REPS2: variants seen among roughly 807,000 people sequenced by gnomAD.
REPS2 encodes RALBP1 associated Eps domain containing 2.
In REPS2, 23 loss-of-function variants were observed where a neutral mutation model predicts 53.6. That is an observed-to-expected ratio of 0.43 (90% confidence interval 0.31 to 0.61). REPS2 has a LOEUF of 0.61. REPS2 is among the 20% of genes least tolerant of loss of function. The pLI is 0.11. For synonymous variants in REPS2, 238 were observed against 218.6 expected, an observed-to-expected ratio of 1.09 and a Z score of -0.78; for missense variants, 446 against 534.9, an observed-to-expected ratio of 0.83 and a Z score of 1.64.
intron 14 of REPS2, among the ~76,000 whole-genome samples, chrX:17,112,540 A>G (rs1467421324): frequency 8.9e-6 from 1 of 112,230 alleles, no homozygotes; most frequent in African/African-American, 3.2e-5. Flanking sequence ...TCTGATGTCA[A>G]TGGAATGAAA....
At position 16,997,064 on chromosome X, in the gene REPS2, A is replaced by T. The variant is rs2061242440; in HGVS notation, c.274-9157A>T. On this transcript the variant is annotated intron_variant, in intron 1 of 17. Transcript: ENST00000357277. ...GCTGGTGAGATAAGTCTGAGTTGCC[A>T]GAACCAGTTAAAGCTTTATATAATT... Among the ~76,000 whole-genome samples the T allele has an allele frequency of 2.7e-5, 3 of 112,535 alleles. No homozygotes were observed. The Admixed American group carries it at 2.8e-4, about 11-fold the overall frequency.
At position 16,951,559 on chromosome X, in the gene REPS2, A is replaced by ACC. The variant is rs74473321; in HGVS notation, c.273+4429_273+4430dup. Among the ~76,000 whole-genome samples the ACC allele has an allele frequency of 5.4e-3, 203 of 37,507 alleles. 5 individuals carry two copies. Among genetic ancestry groups the ACC allele is most frequent in the Middle Eastern group, 0.054 (3 of 56 alleles). The allele number at this position is 37,507 out of a possible 115,157, so 32.6% of individuals were successfully genotyped here. A position where few individuals can be genotyped will look rare whatever the true frequency, so the allele number is the denominator to read the frequency against. Reference sequence around the variant, plus strand: ...CACACACACACACACACACACACACACCCCCGCTACCTACCTCTCTCTGGG... The same window carrying ACC: ...CACACACACACACACACACACACACACCCCCCCGCTACCTACCTCTCTCTGGG... On this transcript the variant is annotated intron_variant, in intron 1 of 17. Transcript: ENST00000357277.
At chrX:16,953,304 C>T (rs1235261950) in intron 1 of REPS2, among the ~76,000 whole-genome samples, 1 of 111,780 alleles carries the variant, frequency 8.9e-6, no homozygotes, top group Non-Finnish European at 1.9e-5. Context: ...TACTTGTTGA[C>T]TCTTTTGTAA....
At chrX:17,143,761 C>G (rs895025625) in intron 17 of REPS2, among the ~76,000 whole-genome samples, 3 of 110,169 alleles carry the variant, frequency 2.7e-5, no homozygotes, top group Admixed American at 9.7e-5. Context: ...TGACGGTATC[C>G]TATTCTTGTT....
rs559822740 is a variant in REPS2, at chrX:16,990,989, G to A, written c.274-15232G>A. Among the ~76,000 whole-genome samples the A allele has an allele frequency of 1.1e-4, 12 of 110,790 alleles. No homozygotes were observed. In the South Asian group the frequency reaches 4.6e-3, roughly 43 times the overall value. ...TGGCTCAGTTTTGTTATGAAATGGA[G>A]CCACGTGGGTCCATGTGAGTGAGTC... On this transcript the variant is annotated intron_variant, in intron 1 of 17. Transcript: ENST00000357277.
At chrX:17,063,997 C>T (rs766319729) in intron 9 of REPS2, among the ~76,000 whole-genome samples, 109 of 110,695 alleles carry the variant, frequency 9.8e-4, no homozygotes, top group Non-Finnish European at 1.9e-3. Flanking sequence ...TCCTGGATGG[C>T]GTTACATATA....
intron 5 of REPS2, among the ~76,000 whole-genome samples, chrX:17,036,438 C>T (rs941017736): frequency 5.4e-5 from 6 of 111,789 alleles, no homozygotes; most frequent in African/African-American, 2.0e-4. Context: ...GTTTGTCATT[C>T]TTAATGGCAT....
intron 1 of REPS2, among the ~76,000 whole-genome samples, chrX:16,951,773 T>C (rs761519966): frequency 8.9e-6 from 1 of 111,981 alleles, no homozygotes; most frequent in East Asian, 2.8e-4. Flanking sequence ...GTTTTGTATT[T>C]GATGTAATGA....
At chrX:17,177,245 G>T in the REPS2 span, among the ~76,000 whole-genome samples, 1 of 112,191 alleles carries the variant, frequency 8.9e-6, no homozygotes, top group Non-Finnish European at 1.9e-5. Context: ...GCATTCTTTT[G>T]CTAGCTCCCT....
chrX:16,953,605 C>A (rs1001311846), intron 1 of REPS2, among the ~76,000 whole-genome samples: 14 of 112,313 alleles, frequency 1.2e-4, no homozygotes, highest in Admixed American at 7.5e-4. Flanking sequence ...TAAGGAATAT[C>A]GTATTCTGTG....
intron 5 of REPS2, 61 bp downstream of exon 5, chrX:17,029,684 A>T: frequency 1.2e-6 from 1 of 824,734 alleles, no homozygotes; most frequent in Non-Finnish European, 1.8e-6. Flanking sequence ...GGCTTCGGGG[A>T]CATGGCTTTT....
intron 14 of REPS2, among the ~76,000 whole-genome samples, chrX:17,112,280 TAA>T (rs1315790909): frequency 1.8e-5 from 2 of 111,461 alleles, no homozygotes; most frequent in Non-Finnish European, 3.8e-5. Flanking sequence ...TTGAAAGGTT[TAA>T]AGAGGAAAGA....
chrX:17,112,761 G>A (rs908107494), intron 14 of REPS2, among the ~76,000 whole-genome samples: 3 of 110,431 alleles, frequency 2.7e-5, no homozygotes, highest in Non-Finnish European at 5.7e-5. Context: ...AAAAAGAAGA[G>A]ATCCAAAATC....
At chrX:17,001,319 G>A (rs776013734) in intron 1 of REPS2, among the ~76,000 whole-genome samples, 1 of 112,712 alleles carries the variant, frequency 8.9e-6, no homozygotes, top group Admixed American at 9.4e-5. Context: ...TTTGCAATCA[G>A]TACCAATGGT....
intron 11 of REPS2, among the ~76,000 whole-genome samples, chrX:17,070,507 A>C (rs1347322297): frequency 8.9e-6 from 1 of 111,904 alleles, no homozygotes; most frequent in East Asian, 2.8e-4. Context: ...GGAGAGTCAG[A>C]CCTGTGTCTG....
intron 14 of REPS2, among the ~76,000 whole-genome samples, chrX:17,133,201 G>A (rs1378230596): frequency 9.0e-6 from 1 of 110,573 alleles, no homozygotes; most frequent in Non-Finnish European, 1.9e-5. Flanking sequence ...GAGCAGGTTT[G>A]GCAGACAACC....
the REPS2 span, among the ~76,000 whole-genome samples, chrX:17,177,877 G>C: frequency 9.0e-6 from 1 of 111,288 alleles, no homozygotes; most frequent in East Asian, 2.8e-4. Context: ...CCTGGATCTC[G>C]GCCAAGAGTG....
At chrX:16,960,379 A>AG (rs1491444129) in intron 1 of REPS2, among the ~76,000 whole-genome samples, 1 of 9,509 alleles carries the variant, frequency 1.1e-4, no homozygotes, top group African/African-American at 3.4e-4. Flanking sequence ...AGAAAAAAAA[A>AG]GAGAGAAAAA....
intron 1 of REPS2, among the ~76,000 whole-genome samples, chrX:16,966,553 G>A (rs953974620): frequency 8.9e-6 from 1 of 112,340 alleles, no homozygotes; most frequent in Admixed American, 9.4e-5. Flanking sequence ...ATAAGCTTGT[G>A]CATGAAACAA....
Sources: allele counts gnomAD v4.1 joint callset (sites outside exome capture counted in the v4.1 genomes callset), GRCh38; gene constraint gnomAD v4.1.1; transcripts MANE v1.5; gene names NCBI Gene and HGNC (gene_info 2026-07-23, HGNC 2026-07-21).